The following SPEF2 variants were observed in gnomAD, a reference collection of about 807,000 sequenced individuals.
SPEF2 encodes sperm flagellar and cilia associated 2, also known as sperm flagella and cilia-associated protein 2.
In SPEF2, 187 loss-of-function variants were observed where a neutral mutation model predicts 224.6. The ratio of observed to expected loss-of-function variants is 0.83; its 90% CI spans 0.74 to 0.94. The LOEUF (loss-of-function observed/expected upper bound fraction) is 0.94. Ranked by LOEUF, SPEF2 falls within the 40% of genes least tolerant of loss-of-function variation. SPEF2 has a pLI of 0.00. For missense variants in SPEF2, 2,170 were observed against 2,135.6 expected (o/e 1.02, Z -0.32); for synonymous variants, 715 against 707.3 (o/e 1.01, Z -0.17).
At chr5:35,721,915 C>T (rs896265801) in intron 20 of SPEF2, among the ~76,000 whole-genome samples, 3 of 152,122 alleles carry the variant, frequency 2.0e-5, no homozygotes, top group Non-Finnish European at 4.4e-5. Flanking sequence ...GCTTGCAGCA[C>T]AAACCATACG....
chr5:35,690,112 CATA>C (rs1754232115), intron 10 of SPEF2, among the ~76,000 whole-genome samples: 1 of 151,714 alleles, frequency 6.6e-6, no homozygotes, highest in African/African-American at 2.4e-5. Context: ...TTTATTGATA[CATA>C]ATAAACACAT....
chr5:35,727,209 T>G (rs1435434481), intron 20 of SPEF2, among the ~76,000 whole-genome samples: 1 of 152,174 alleles, frequency 6.6e-6, no homozygotes, highest in Non-Finnish European at 1.5e-5. Context: ...ATCCCTCACC[T>G]ACTCCAGCTG....
chr5:35,694,465 A>G, intron 13 of SPEF2, 102 bp downstream of exon 13: 1 of 1,063,314 alleles, frequency 9.4e-7, no homozygotes, highest in East Asian at 2.6e-5. Flanking sequence ...ATAAACGGGA[A>G]CCAAGGGGAG....
intron 2 of SPEF2, among the ~76,000 whole-genome samples, chr5:35,635,142 A>C (rs1745654508): frequency 6.6e-6 from 1 of 151,830 alleles, no homozygotes; most frequent in African/African-American, 2.4e-5. Flanking sequence ...TCCTCCTCTG[A>C]ATAGGTTTAG....
chr5:35,697,511 G>A (rs574065401), intron 14 of SPEF2, among the ~76,000 whole-genome samples, 179 bp from the exon 15 acceptor site: 9 of 152,318 alleles, frequency 5.9e-5, no homozygotes, highest in African/African-American at 1.9e-4. Flanking sequence ...GAGGCTCGAA[G>A]GAAGAGCCTC....
intron 7 of SPEF2, among the ~76,000 whole-genome samples, chr5:35,658,673 A>T (rs1433242481): frequency 6.6e-6 from 1 of 152,026 alleles, no homozygotes; most frequent in Non-Finnish European, 1.5e-5. Context: ...TGTGGTACAG[A>T]TTATTTCATC....
At chr5:35,649,251 T>C in intron 5 of SPEF2, 110 bp from the exon 6 acceptor site, 1 of 871,226 alleles carries the variant, frequency 1.1e-6, no homozygotes, top group Non-Finnish European at 1.7e-6. Flanking sequence ...CATATCCTAA[T>C]TACCTTGAAT....
intron 10 of SPEF2, among the ~76,000 whole-genome samples, chr5:35,673,067 C>G (rs866476569): frequency 6.6e-5 from 10 of 152,202 alleles, no homozygotes; most frequent in African/African-American, 2.4e-4. Flanking sequence ...AATAACATTT[C>G]TCTCTCCCAG....
At chr5:35,801,286 C>T (rs142431851) in intron 34 of SPEF2, among the ~76,000 whole-genome samples, 3 of 152,132 alleles carry the variant, frequency 2.0e-5, no homozygotes, top group South Asian at 2.1e-4. Context: ...GAGGCCAAGG[C>T]GGGTGGCTCA....
chr5:35,699,069 C>G (rs188931208), intron 15 of SPEF2: 1 of 152,244 alleles, frequency 6.6e-6, no homozygotes, highest in African/African-American at 2.4e-5. Flanking sequence ...CTGAAGACAG[C>G]TTGATACTGT....
At chr5:35,655,932 G>A (rs1276500337) in intron 7 of SPEF2, among the ~76,000 whole-genome samples, 1 of 152,216 alleles carries the variant, frequency 6.6e-6, no homozygotes, top group East Asian at 1.9e-4. Context: ...ATCCAAGTCT[G>A]TTGTTGCTGT....
At chr5:35,807,970 C>A in intron 36 of SPEF2, 1 of 1,369,472 alleles carries the variant, frequency 7.3e-7, no homozygotes, top group Non-Finnish European at 9.4e-7. Flanking sequence ...CCCTGTTTGA[C>A]TCCTGTGAGT....
chr5:35,804,918 T>C (rs1277934902), intron 34 of SPEF2, among the ~76,000 whole-genome samples: 2 of 152,192 alleles, frequency 1.3e-5, no homozygotes, highest in Non-Finnish European at 2.9e-5. Context: ...TGCTACACTC[T>C]GAATAGAAAT....
intron 1 of SPEF2, among the ~76,000 whole-genome samples, chr5:35,624,635 A>ATATGTCTTC (rs1172138521): frequency 6.6e-6 from 1 of 150,912 alleles, no homozygotes; most frequent in Non-Finnish European, 1.5e-5. Context: ...CTGGCTTCCT[A>ATATGTCTTC]TATGTCTTCT....
At chr5:35,787,540 C>T (rs1047418876) in intron 30 of SPEF2, among the ~76,000 whole-genome samples, 1 of 152,126 alleles carries the variant, frequency 6.6e-6, no homozygotes, top group East Asian at 1.9e-4. Context: ...TGTGGAGTGT[C>T]GGTCTACTGG....
At chr5:35,634,289 A>C (rs1434245586) in intron 2 of SPEF2, among the ~76,000 whole-genome samples, 1 of 151,968 alleles carries the variant, frequency 6.6e-6, no homozygotes, top group Non-Finnish European at 1.5e-5. Flanking sequence ...CTTGATTTGC[A>C]GTTTTTCTTT....
chr5:35,677,274 A>G (rs2149495167), intron 10 of SPEF2, among the ~76,000 whole-genome samples: 1 of 152,314 alleles, frequency 6.6e-6, no homozygotes, highest in East Asian at 1.9e-4. Flanking sequence ...TCCTTTAAAT[A>G]GTAAGACCAT....
At chr5:35,770,072 C>A (rs1023266264) in intron 26 of SPEF2, among the ~76,000 whole-genome samples, 2 of 147,670 alleles carry the variant, frequency 1.4e-5, no homozygotes, top group Non-Finnish European at 3.0e-5. Flanking sequence ...CTTTGGGATT[C>A]TTTCCTGGGT....
chr5:35,771,734 A>G lies in SPEF2; in HGVS notation c.3927A>G (p.Lys1309=), dbSNP rs377531929. 4 of 1,591,974 alleles carry G rather than the reference A, an allele frequency of 2.5e-6. No individual in the cohort carries two copies. Among genetic ancestry groups the G allele is most frequent in the Admixed American group, 3.7e-5 (2 of 53,444 alleles). ...KKVKKEPPKK[K]QEDKKPKGKS... Reference sequence around the variant, plus strand: ...TCAAAAAGGAGCCACCCAAGAAAAAACAGGAAGACAAAAAACCCAAAGGTA... The same window carrying G: ...TCAAAAAGGAGCCACCCAAGAAAAAGCAGGAAGACAAAAAACCCAAAGGTA... Residue 1309 remains lysine, a synonymous_variant, in exon 27 of 37, where the codon AAA becomes AAG. Transcript: ENST00000356031.
Sources: allele counts gnomAD v4.1 joint callset (sites outside exome capture counted in the v4.1 genomes callset), GRCh38; gene constraint gnomAD v4.1.1; transcripts MANE v1.5; gene names NCBI Gene and HGNC (gene_info 2026-07-23, HGNC 2026-07-21).